ELMO1: variants seen among roughly 807,000 people sequenced by gnomAD.
ELMO1 encodes the protein engulfment and cell motility 1.
A neutral mutation model predicts 98.9 loss-of-function variants in ELMO1; 26 were observed. That is an observed-to-expected ratio of 0.26 (90% confidence interval 0.19 to 0.36). The LOEUF is 0.36. Ranked by LOEUF, ELMO1 falls within the 10% of genes least tolerant of loss-of-function variation. ELMO1 has a pLI of 1.00. For synonymous variants in ELMO1, 346 were observed against 346.0 expected (o/e 1.00, Z 0.00); for missense variants, 627 against 935.2 (o/e 0.67, Z 4.30).
intron 4 of ELMO1, among the ~76,000 whole-genome samples, chr7:37,311,723 A>G (rs1798902019): frequency 6.6e-6 from 1 of 152,190 alleles, no homozygotes; most frequent in Admixed American, 6.5e-5. Flanking sequence ...TGCATGAGGA[A>G]GAGCAATGAC....
intron 13 of ELMO1, among the ~76,000 whole-genome samples, chr7:37,174,698 T>C (rs776727491): frequency 1.3e-5 from 2 of 152,188 alleles, no homozygotes; most frequent in Non-Finnish European, 2.9e-5. Flanking sequence ...ATGTTATTCA[T>C]TGAACGGCAC....
chr7:37,306,514 T>G (rs1163182276), intron 4 of ELMO1, among the ~76,000 whole-genome samples: 1 of 152,146 alleles, frequency 6.6e-6, no homozygotes, highest in African/African-American at 2.4e-5. Flanking sequence ...AAAATATGGT[T>G]TTTCATCTCA....
chr7:37,005,126 A>AAAAAAAG (rs1792973902), intron 16 of ELMO1, among the ~76,000 whole-genome samples: 2 of 147,950 alleles, frequency 1.4e-5, no homozygotes, highest in African/African-American at 4.9e-5. Flanking sequence ...AAAAAAAAAA[A>AAAAAAAG]AAAAAAGAAA....
chr7:36,941,926 T>G (rs922169327), intron 16 of ELMO1, among the ~76,000 whole-genome samples: 1 of 152,226 alleles, frequency 6.6e-6, no homozygotes, highest in African/African-American at 2.4e-5. Context: ...TGGCAGGACT[T>G]GAATTCTGCT....
chr7:37,081,083 T>G (rs1374742593), intron 15 of ELMO1, among the ~76,000 whole-genome samples: 4 of 152,206 alleles, frequency 2.6e-5, no homozygotes, highest in Non-Finnish European at 4.4e-5. Flanking sequence ...AGGGAATGGA[T>G]AGTAGTCAGA....
intron 1 of ELMO1, chr7:37,375,441 G>A: frequency 3.1e-6 from 2 of 635,442 alleles, no homozygotes; most frequent in African/African-American, 1.8e-5. Context: ...GGAATAGCAA[G>A]GGCAGTCAGC....
intron 16 of ELMO1, among the ~76,000 whole-genome samples, chr7:36,983,595 T>C (rs1791251913): frequency 6.6e-6 from 1 of 152,180 alleles, no homozygotes. Flanking sequence ...AATTTCCTCA[T>C]CTAAAACAGG....
intron 8 of ELMO1, among the ~76,000 whole-genome samples, chr7:37,232,811 C>T (rs2130624481): frequency 6.6e-6 from 1 of 152,284 alleles, no homozygotes; most frequent in Non-Finnish European, 1.5e-5. Flanking sequence ...CCAACAGAGT[C>T]ACACATGGGG....
chr7:37,408,110 A>G (rs1403740751), intron 1 of ELMO1, among the ~76,000 whole-genome samples: 1 of 152,202 alleles, frequency 6.6e-6, no homozygotes, highest in African/African-American at 2.4e-5. Flanking sequence ...TTATATCCAC[A>G]CTATATTTGT....
chr7:37,124,558 C>T (rs1290321590), intron 14 of ELMO1, among the ~76,000 whole-genome samples: 1 of 152,116 alleles, frequency 6.6e-6, no homozygotes, highest in African/African-American at 2.4e-5. Context: ...GAATAAAATA[C>T]CTAAGAATCC....
chr7:37,399,013 C>A (rs1392258645), intron 1 of ELMO1, among the ~76,000 whole-genome samples: 5 of 152,186 alleles, frequency 3.3e-5, no homozygotes, highest in Non-Finnish European at 7.3e-5. Context: ...TGTCACTGAG[C>A]CCTCTGGTCA....
At chr7:37,349,631 T>G (rs569262932) in intron 1 of ELMO1, among the ~76,000 whole-genome samples, 87 of 152,246 alleles carry the variant, frequency 5.7e-4, no homozygotes, top group Admixed American at 5.0e-3. Context: ...TTTTTGTATT[T>G]TTAGTAGAGA....
chr7:37,374,800 C>T (rs940021169), intron 1 of ELMO1, among the ~76,000 whole-genome samples: 2 of 151,122 alleles, frequency 1.3e-5, no homozygotes, highest in Admixed American at 6.6e-5. Context: ...CAGTGGCTCA[C>T]GCCTGTAATC....
At chr7:36,946,801 T>C (rs537952731) in intron 16 of ELMO1, among the ~76,000 whole-genome samples, 18 of 152,304 alleles carry the variant, frequency 1.2e-4, no homozygotes, top group African/African-American at 4.3e-4. Flanking sequence ...CCCCACCTTC[T>C]TCCTCGGTGA....
intron 4 of ELMO1, among the ~76,000 whole-genome samples, chr7:37,303,429 C>T (rs995064508): frequency 1.3e-5 from 2 of 152,076 alleles, no homozygotes; most frequent in African/African-American, 2.4e-5. Flanking sequence ...AAACTTTGCC[C>T]AACATAATCT....
chr7:36,895,975 C>T (rs906504697), intron 16 of ELMO1, among the ~76,000 whole-genome samples: 1 of 152,194 alleles, frequency 6.6e-6, no homozygotes, highest in Non-Finnish European at 1.5e-5. Flanking sequence ...GGCTTTGAAA[C>T]TTTAAGAAAC....
chr7:37,211,970 A>C (rs1793000500), intron 12 of ELMO1, among the ~76,000 whole-genome samples: 1 of 152,228 alleles, frequency 6.6e-6, no homozygotes, highest in Non-Finnish European at 1.5e-5. Context: ...CAAAGGTGCA[A>C]ACAACCCAAG....
chr7:36,973,148 C>T (rs1294969828), intron 16 of ELMO1, among the ~76,000 whole-genome samples: 1 of 152,210 alleles, frequency 6.6e-6, no homozygotes, highest in African/African-American at 2.4e-5. Flanking sequence ...GGTTTCTAAG[C>T]AGGCTTAAAT....
chr7:37,203,747 G>C (rs896007993), intron 13 of ELMO1, among the ~76,000 whole-genome samples: 5 of 152,176 alleles, frequency 3.3e-5, no homozygotes, highest in Non-Finnish European at 7.3e-5. Flanking sequence ...GGTCAGAATA[G>C]ATAGGATAGA....
Sources: allele counts gnomAD v4.1 joint callset (sites outside exome capture counted in the v4.1 genomes callset), GRCh38; gene constraint gnomAD v4.1.1; transcripts MANE v1.5; gene names NCBI Gene and HGNC (gene_info 2026-07-23, HGNC 2026-07-21).